The following GPHN variants were observed in gnomAD, a reference collection of about 807,000 sequenced individuals.
GPHN encodes gephyrin.
In GPHN, 17 loss-of-function variants were observed where a neutral mutation model predicts 95.5. That is an observed-to-expected ratio of 0.18 (90% CI 0.12 to 0.27). GPHN has a LOEUF of 0.27. GPHN is among the 10% of genes least tolerant of loss of function. The pLI is 1.00. For missense variants in GPHN, 660 were observed against 978.1 expected (o/e 0.67, Z 4.34); for synonymous variants, 320 against 322.5 (o/e 0.99, Z 0.08).
chr14:66,718,240 G>A (rs1051460676), intron 2 of GPHN, among the ~76,000 whole-genome samples: 2 of 151,968 alleles, frequency 1.3e-5, no homozygotes, highest in Admixed American at 6.6e-5. Context: ...TCCTTCAGAT[G>A]TTCAGATGTG....
chr14:66,853,220 T>C (rs1299804407), intron 4 of GPHN, among the ~76,000 whole-genome samples: 1 of 152,238 alleles, frequency 6.6e-6, no homozygotes, highest in Admixed American at 6.5e-5. Flanking sequence ...CTAATTTATT[T>C]TGAAAATGTC....
chr14:67,220,076 T>C, the GPHN span, among the ~76,000 whole-genome samples: 2 of 152,186 alleles, frequency 1.3e-5, no homozygotes, highest in African/African-American at 2.4e-5. Context: ...AAGTTATATA[T>C]ATTATTTTTC....
intron 4 of GPHN, among the ~76,000 whole-genome samples, chr14:66,852,790 AAAAT>A (rs1302297766): frequency 6.6e-6 from 1 of 152,248 alleles, no homozygotes; most frequent in African/African-American, 2.4e-5. Context: ...TCTGACATAA[AAAAT>A]AAAATTAGTG....
intron 2 of GPHN, among the ~76,000 whole-genome samples, chr14:66,690,901 T>C (rs760780217): frequency 6.6e-6 from 1 of 152,242 alleles, no homozygotes; most frequent in African/African-American, 2.4e-5. Flanking sequence ...AATGTATCCC[T>C]GTGGTTCAGT....
At chr14:67,621,688 G>A in the GPHN span, among the ~76,000 whole-genome samples, 2 of 150,996 alleles carry the variant, frequency 1.3e-5, no homozygotes, top group East Asian at 2.0e-4. Context: ...CAGGTGATCC[G>A]CCCACCTCAG....
intron 11 of GPHN, among the ~76,000 whole-genome samples, chr14:67,071,065 G>A (rs897003605): frequency 3.9e-5 from 6 of 152,148 alleles, no homozygotes; most frequent in African/African-American, 1.4e-4. Flanking sequence ...CATTGTGGAA[G>A]ATAGTGTGGC....
At chr14:67,359,614 G>C in the GPHN span, 1 of 1,611,376 alleles carries the variant, frequency 6.2e-7, no homozygotes. Context: ...CGCGCTCCGG[G>C]TTCCTAAACC....
the GPHN span, among the ~76,000 whole-genome samples, chr14:67,452,227 G>A: frequency 6.2e-3 from 940 of 151,446 alleles, 7 homozygotes; most frequent in African/African-American, 0.022. Flanking sequence ...GGAAGCTGAG[G>A]CAAGAGAATC....
At chr14:66,669,163 A>G (rs1188785908) in intron 1 of GPHN, among the ~76,000 whole-genome samples, 1 of 152,106 alleles carries the variant, frequency 6.6e-6, no homozygotes, top group Non-Finnish European at 1.5e-5. Flanking sequence ...CGGGAGTTCG[A>G]GGCCAGCCTG....
rs567303785 is a variant in GPHN, at chr14:66,801,791, GCCCGCT to G, written c.202-22667_202-22662del. Among the ~76,000 whole-genome samples, 287 of 142,706 alleles carry G rather than the reference GCCCGCT, an allele frequency of 2.0e-3. 4 individuals carry two copies. The highest frequency in any genetic ancestry group is 6.9e-3 in the African/African-American group (258 of 37,314). The allele number at this position is 142,706 out of a possible 152,430, so 93.6% of individuals were successfully genotyped here. The stretch of plus-strand genomic sequence containing the variant: ...TAACCACTTTCTGGCTACCATCTAT[GCCCGCT>G]CCCGCTCCCGCTCCCTCTCCCTCTC... On this transcript the variant is annotated intron_variant, in intron 3 of 22. Transcript: ENST00000478722.
At chr14:66,846,673 T>C (rs536546710) in intron 4 of GPHN, among the ~76,000 whole-genome samples, 2 of 152,276 alleles carry the variant, frequency 1.3e-5, no homozygotes, top group African/African-American at 4.8e-5. Context: ...TAGGAATCTC[T>C]TTAATTTTAA....
intron 2 of GPHN, among the ~76,000 whole-genome samples, chr14:66,775,190 G>T (rs138296572): frequency 6.6e-6 from 1 of 151,706 alleles, no homozygotes; most frequent in African/African-American, 2.4e-5. Flanking sequence ...AAACCAGAAT[G>T]GTATTTATTA....
At chr14:67,015,539 A>C (rs1371849424) in intron 9 of GPHN, among the ~76,000 whole-genome samples, 1 of 152,058 alleles carries the variant, frequency 6.6e-6, no homozygotes, top group Non-Finnish European at 1.5e-5. Flanking sequence ...TCTACTAAAA[A>C]TACAAAAATT....
chr14:67,294,821 C>G, the GPHN span: 18 of 151,974 alleles, frequency 1.2e-4, no homozygotes, highest in Admixed American at 1.1e-3. Flanking sequence ...TACAGGTGCC[C>G]GCCACCATAC....
the GPHN span, among the ~76,000 whole-genome samples, chr14:67,370,797 G>A: frequency 3.9e-4 from 59 of 152,252 alleles, no homozygotes; most frequent in East Asian, 0.011. Context: ...AGGTTGAGGT[G>A]GGCAGATTGC....
intron 1 of GPHN, among the ~76,000 whole-genome samples, chr14:66,591,084 A>C (rs979565350): frequency 6.6e-6 from 1 of 152,246 alleles, no homozygotes; most frequent in Non-Finnish European, 1.5e-5. Flanking sequence ...GATGCAGAAA[A>C]GGCCTCCGAT....
chr14:67,151,435 T>A (rs2081281444), intron 18 of GPHN, among the ~76,000 whole-genome samples: 1 of 152,196 alleles, frequency 6.6e-6, no homozygotes, highest in Non-Finnish European at 1.5e-5. Flanking sequence ...TTTACAGAGA[T>A]CACCAAATGA....
chr14:67,408,569 T>C, the GPHN span, among the ~76,000 whole-genome samples: 1 of 151,954 alleles, frequency 6.6e-6, no homozygotes, highest in East Asian at 1.9e-4. Context: ...AGAGGAAAAT[T>C]TGGACACTAA....
At chr14:67,630,034 A>G in the GPHN span, among the ~76,000 whole-genome samples, 3 of 152,164 alleles carry the variant, frequency 2.0e-5, no homozygotes, top group South Asian at 4.1e-4. Context: ...TCCTTCCCAC[A>G]TTTCCCACCA....
Sources: gnomAD v4.1 joint callset for allele counts (sites outside exome capture counted in the v4.1 genomes callset) on GRCh38, gnomAD v4.1.1 for gene constraint, MANE v1.5 for transcripts, NCBI Gene and HGNC (gene_info 2026-07-23, HGNC 2026-07-21) for gene names.